The following PCDH15 variants were observed in gnomAD, a reference collection of about 807,000 sequenced individuals.
PCDH15 encodes the protein protocadherin-15.
In PCDH15, 129 loss-of-function variants were observed where a neutral mutation model predicts 178.5. The observed-to-expected ratio is 0.72, with a 90% CI of 0.63 to 0.84. The LOEUF is 0.84. PCDH15 is among the 40% of genes least tolerant of loss of function. The pLI, the probability that PCDH15 is intolerant of heterozygous loss-of-function variation, is 0.00. For missense variants in PCDH15, 2,230 were observed against 2,099.9 expected (o/e 1.06, Z -1.21); for synonymous variants, 800 against 732.0 (o/e 1.09, Z -1.50).
At chr10:53,821,700 G>A (rs756474558) in intron 32 of PCDH15, 3 of 1,436,306 alleles carry the variant, frequency 2.1e-6, no homozygotes, top group African/African-American at 2.9e-5. Flanking sequence ...TAGTAGTGAT[G>A]AGGTTAATAT....
intron 23 of PCDH15, among the ~76,000 whole-genome samples, chr10:53,943,008 A>G (rs1288749150): frequency 1.3e-5 from 2 of 152,136 alleles, no homozygotes; most frequent in African/African-American, 4.8e-5. Context: ...TTAGGGGATA[A>G]TTTTCAAAAA....
At chr10:55,369,058 A>T (rs972243126) in intron 2 of PCDH15, among the ~76,000 whole-genome samples, 1 of 148,914 alleles carries the variant, frequency 6.7e-6, no homozygotes, top group Non-Finnish European at 1.5e-5. Flanking sequence ...TTGAAACATG[A>T]TCATAGTCAG....
At chr10:55,369,800 A>C (rs1271731021) in intron 2 of PCDH15, among the ~76,000 whole-genome samples, 5 of 152,052 alleles carry the variant, frequency 3.3e-5, no homozygotes, top group African/African-American at 1.2e-4. Context: ...TGGTCAGCCA[A>C]TTGTGTACAA....
chr10:54,309,726 G>T (rs1416530883), intron 8 of PCDH15, among the ~76,000 whole-genome samples: 1 of 151,884 alleles, frequency 6.6e-6, no homozygotes, highest in African/African-American at 2.4e-5. Context: ...AACACAGGAG[G>T]CATAGGTTGC....
chr10:54,266,182 C>T (rs1683575715), intron 8 of PCDH15, among the ~76,000 whole-genome samples: 1 of 151,154 alleles, frequency 6.6e-6, no homozygotes, highest in Admixed American at 6.6e-5. Context: ...CACACAGAAA[C>T]TAAACAAATT....
At chr10:54,469,257 C>T (rs756992400) in intron 3 of PCDH15, among the ~76,000 whole-genome samples, 3 of 152,010 alleles carry the variant, frequency 2.0e-5, no homozygotes, top group African/African-American at 4.8e-5. Flanking sequence ...CCACCACATC[C>T]GGCTAATTTT....
chr10:54,806,268 A>G (rs1486672743), upstream of PCDH15, among the ~76,000 whole-genome samples: 3 of 152,106 alleles, frequency 2.0e-5, no homozygotes, highest in Non-Finnish European at 4.4e-5. Flanking sequence ...TTAGTATTGT[A>G]TTGTTGTATA....
chr10:54,294,857 C>T (rs1302268489), intron 8 of PCDH15, among the ~76,000 whole-genome samples: 1 of 152,146 alleles, frequency 6.6e-6, no homozygotes, highest in Non-Finnish European at 1.5e-5. Flanking sequence ...GCCATCATTT[C>T]ATAATATACA....
chr10:54,233,866 T>C (rs2054330998), intron 9 of PCDH15, among the ~76,000 whole-genome samples: 2 of 152,228 alleles, frequency 1.3e-5, no homozygotes, highest in South Asian at 2.1e-4. Flanking sequence ...TAGTCAATAA[T>C]TCTGCCATTG....
intron 3 of PCDH15, among the ~76,000 whole-genome samples, chr10:54,490,301 T>C (rs141524477): frequency 6.6e-6 from 1 of 151,454 alleles, no homozygotes; most frequent in Non-Finnish European, 1.5e-5. Context: ...ACACAAAAAA[T>C]TAGATGGGCG....
intron 8 of PCDH15, among the ~76,000 whole-genome samples, chr10:54,294,608 A>G (rs1449189963): frequency 1.3e-5 from 2 of 152,214 alleles, no homozygotes; most frequent in Non-Finnish European, 2.9e-5. Context: ...TAATTCATGG[A>G]TTTAGGACAT....
chr10:55,040,298 C>T (rs990224625), intron 2 of PCDH15, among the ~76,000 whole-genome samples: 2 of 151,984 alleles, frequency 1.3e-5, no homozygotes, highest in Middle Eastern at 3.2e-3. Flanking sequence ...AGAAAGAAAA[C>T]AGACAGGCTG....
At chr10:55,588,294 C>T (rs1367338120) in intron 2 of PCDH15, among the ~76,000 whole-genome samples, 1 of 152,090 alleles carries the variant, frequency 6.6e-6, no homozygotes, top group Non-Finnish European at 1.5e-5. Context: ...TGAATGGTAC[C>T]AAACCCACAA....
intron 3 of PCDH15, among the ~76,000 whole-genome samples, chr10:54,480,858 T>C (rs1670560225): frequency 1.3e-5 from 2 of 151,948 alleles, no homozygotes; most frequent in South Asian, 4.1e-4. Context: ...ACATTAAAAG[T>C]ATTTGCTAAG....
chr10:54,147,262 C>G (rs962284770), intron 14 of PCDH15, among the ~76,000 whole-genome samples: 1 of 151,416 alleles, frequency 6.6e-6, no homozygotes, highest in Non-Finnish European at 1.5e-5. Context: ...TGATATTTCA[C>G]CAAACATTCT....
chr10:54,600,258 G>A, intron 2 of PCDH15: 1 of 556,400 alleles, frequency 1.8e-6, no homozygotes, highest in African/African-American at 1.9e-5. Context: ...GGAGAAAGAG[G>A]AGAAAGTGGG....
Position 54,399,462 on chromosome 10 carries a change from C to G in PCDH15, c.158-20520G>C, listed in dbSNP as rs115481322. On this transcript the variant is annotated intron_variant, in intron 3 of 37. Coordinates refer to ENST00000644397, the MANE Select transcript of PCDH15 (RefSeq NM_001384140.1). ...GATGACAAGAACATCAGGTGGGTTT[C>G]TCTGAAAAGAACTAAATTTACAGAA... Among the ~76,000 whole-genome samples the G allele has an allele frequency of 8.7e-3, 1,323 of 152,096 alleles. 23 individuals are homozygous for G. The highest frequency in any genetic ancestry group is 0.03 in the African/African-American group (1,256 of 41,506).
rs1223488468 is a variant in PCDH15 at position 54,161,068 on chromosome 10, G to GTA, written c.1591-7777_1591-7776dup. Among the ~76,000 whole-genome samples, 10 of 152,122 alleles carry GTA rather than the reference G, an allele frequency of 6.6e-5. No individual in the cohort carries two copies. The East Asian group carries it at 1.2e-3, about 18-fold the overall frequency. On this transcript the variant is annotated intron_variant, in intron 13 of 37. Transcript: ENST00000644397. Reference sequence around the variant, plus strand: ...CATATATGTGTATATATATGTGTGTGTATATATATTTACATTTCCAAAAAG... The same window carrying GTA: ...CATATATGTGTATATATATGTGTGTGTATATATATATTTACATTTCCAAAAAG...
At chr10:53,995,090 T>C (rs889589509) in intron 21 of PCDH15, 1 of 153,852 alleles carries the variant, frequency 6.5e-6, no homozygotes, top group African/African-American at 2.4e-5. Flanking sequence ...TAATTATACA[T>C]GGTATTTTAT....
Sources: gnomAD v4.1 joint callset for allele counts (sites outside exome capture counted in the v4.1 genomes callset) on GRCh38, gnomAD v4.1.1 for gene constraint, MANE v1.5 for transcripts, NCBI Gene and HGNC (gene_info 2026-07-23, HGNC 2026-07-21) for gene names.